The following CFAP46 variants were observed in gnomAD, a reference collection of about 807,000 sequenced individuals.
The protein encoded by CFAP46 is cilia- and flagella-associated protein 46.
Under a neutral mutation model 325.7 loss-of-function variants are expected in CFAP46, and 245 were observed. That is an observed-to-expected ratio of 0.75 (90% CI 0.68 to 0.84). The LOEUF is 0.84. Ranked by LOEUF, CFAP46 falls within the 40% of genes least tolerant of loss-of-function variation. CFAP46 has a pLI of 0.00. For missense variants in CFAP46, 3,346 were observed against 3,543.0 expected (o/e 0.94, Z 1.41); for synonymous variants, 1,523 against 1,495.9 (o/e 1.02, Z -0.42).
chr10:132,857,489 G>A, intron 39 of CFAP46, 101 bp downstream of exon 39: 1 of 1,178,982 alleles, frequency 8.5e-7, no homozygotes. Context: ...TTCCATTTCA[G>A]CTAGAAGCAG....
chr10:132,912,593 C>G, intron 19 of CFAP46, 62 bp downstream of exon 19: 1 of 1,442,512 alleles, frequency 6.9e-7, no homozygotes, highest in Non-Finnish European at 9.2e-7. Flanking sequence ...TCCTCTCTCT[C>G]TCTCCTCTCT....
intron 38 of CFAP46, among the ~76,000 whole-genome samples, chr10:132,858,540 T>G (rs1848680222): frequency 6.6e-6 from 1 of 151,706 alleles, no homozygotes; most frequent in East Asian, 2.0e-4. Context: ...ACGGCTGGCA[T>G]CAGGGCTGTG....
rs56159566 is a variant in CFAP46, at chr10:132,884,182, G to A, written c.3627+921C>T. 0.098 allele frequency among the ~76,000 whole-genome samples: 14,915 copies of A among 152,134 alleles called. 2,001 individuals are homozygous for A. Among genetic ancestry groups the A allele is most frequent in the African/African-American group, 0.3 (12,618 of 41,454 alleles). ...GCAGCCAGGTCCCTGCCTGATACCCGCGAACCCTAGCAGGGCAACTGCCGA... is the reference window on the plus strand; with the variant it reads ...GCAGCCAGGTCCCTGCCTGATACCCACGAACCCTAGCAGGGCAACTGCCGA... On this transcript the variant is annotated intron_variant, in intron 27 of 57. Transcript: ENST00000368586. The surrounding 1 kb of genome is among the most constrained non-coding windows in gnomAD (Gnocchi z 5.4).
In CFAP46 at chr10:132,876,016, C is replaced by A. The variant is rs1215938404; in HGVS notation, c.4362+796G>T. Among the ~76,000 whole-genome samples, 2 of 152,214 alleles carry A rather than the reference C, an allele frequency of 1.3e-5. No homozygotes were observed. The highest frequency in any genetic ancestry group is 2.4e-5 in the African/African-American group (1 of 41,452). On this transcript the variant is annotated intron_variant, in intron 31 of 57. Transcript: ENST00000368586. This position sits in a 1 kb window ranked among gnomAD's most constrained non-coding sequence, Gnocchi z 4.1. ...GAATAAAGGATTCCTTCAAACCAAT[C>A]AGGAAAAGTCAGAAAGCTTAATTAA...
chr10:132,876,912 A>C lies in CFAP46; in HGVS notation c.4262T>G (p.Ile1421Arg). 6.4e-7 allele frequency: 1 copy of C among 1,550,572 alleles called. No individual in the cohort carries two copies. Among genetic ancestry groups the C allele is most frequent in the Non-Finnish European group, 8.7e-7 (1 of 1,146,988 alleles). ...GCAGGAGTAGGAAGCCCACTCTTCTATGCTCATGGGTAAGTCTTCCAGTTG... is the reference window on the plus strand; with the variant it reads ...GCAGGAGTAGGAAGCCCACTCTTCTCTGCTCATGGGTAAGTCTTCCAGTTG... ...IKQLEDLPMS[I>R]EEWASYSCPE... The change falls in exon 31 of 58, where the codon ATA (isoleucine) becomes AGA (arginine). Residue 1421 changes from isoleucine to arginine, a missense_variant. Ile to Arg is a moderately conservative substitution (Grantham distance 97). Transcript: ENST00000368586. This position sits in a 1 kb window ranked among gnomAD's most constrained non-coding sequence, Gnocchi z 4.1.
intron 44 of CFAP46, among the ~76,000 whole-genome samples, chr10:132,840,229 G>A (rs1035815195): frequency 6.6e-6 from 1 of 152,180 alleles, no homozygotes; most frequent in Non-Finnish European, 1.5e-5. Flanking sequence ...ATTTGAGTCC[G>A]GTGTTGCCTG....
rs370798633 is a variant in CFAP46 at position 132,814,594 on chromosome 10, T to A, written c.7268A>T (p.Glu2423Val). ...DNFKFVVDPYEEAQGPEMLTP... is the reference protein window; with the variant it reads ...DNFKFVVDPYVEAQGPEMLTP... ...GCACCCACCTGGGCCCTGGGCCTCC[T>A]CGTATGGGTCCACGACGACTGGGTC... is the stretch of plus-strand genomic sequence containing the variant. Residue 2423 changes from glutamate (E) to valine (V), a missense_variant, in exon 53 of 58, where the codon GAG becomes GTG. Glu to Val is a moderately radical substitution (Grantham distance 121). Transcript: ENST00000368586. The A allele has an allele frequency of 7.6e-6, 12 of 1,570,930 alleles. No individual in the cohort carries two copies. In the African/African-American group the frequency reaches 1.6e-4, roughly 21 times the overall value.
rs768644477 is a variant in CFAP46, at chr10:132,889,657, C to T, written c.3304+2676G>A. Among the ~76,000 whole-genome samples the T allele has an allele frequency of 1.3e-5, 2 of 152,196 alleles. No individual in the cohort carries two copies. The highest frequency in any genetic ancestry group is 2.9e-5 in the Non-Finnish European group (2 of 68,024). Reference sequence around the variant, plus strand: ...CCATGTCCTGGGACCACCCAGTACACATCCAATTCACGGGCGGAGGCACTG... The same window carrying T: ...CCATGTCCTGGGACCACCCAGTACATATCCAATTCACGGGCGGAGGCACTG... On this transcript the variant is annotated intron_variant, in intron 25 of 57. Transcript: ENST00000368586. The surrounding 1 kb of genome is among the most constrained non-coding windows in gnomAD (Gnocchi z 6.0).
At position 132,876,049 on chromosome 10, in the gene CFAP46, C is replaced by T. The variant is rs78016068; in HGVS notation, c.4362+763G>A. ...GTCAGAAAGCTTAATTAAATATGGG[C>T]GACAGCCTGGAGGGCACATCACAAA... On this transcript the variant is annotated intron_variant, in intron 31 of 57. Transcript: ENST00000368586. This position sits in a 1 kb window ranked among gnomAD's most constrained non-coding sequence, Gnocchi z 4.1. Among the ~76,000 whole-genome samples the T allele has an allele frequency of 0.013, 1,911 of 152,312 alleles. 20 individuals carry two copies. Among genetic ancestry groups the T allele is most frequent in the Non-Finnish European group, 0.021 (1,446 of 68,030 alleles).
rs56965336 is a variant in CFAP46, at chr10:132,831,220, CTGTG to C, written c.7117+2134_7117+2137del. On this transcript the variant is annotated intron_variant, in intron 50 of 57. Transcript: ENST00000368586. ...CTTAGGGTATATCTTGTCAAATGTT[CTGTG>C]TGTGTGTGTGTGTGTGTGTGTGTAA... 7.4e-4 allele frequency among the ~76,000 whole-genome samples: 109 copies of C among 148,198 alleles called. 1 individual carries two copies. Among genetic ancestry groups the C allele is most frequent in the African/African-American group, 2.4e-3 (95 of 39,596 alleles).
chr10:132,899,076 C>T lies in CFAP46; in HGVS notation c.3102G>A (p.Ala1034=), dbSNP rs541156207. The T allele has an allele frequency of 1.4e-5, 21 of 1,550,448 alleles. No individual in the cohort carries two copies. The highest frequency in any genetic ancestry group is 6.8e-5 in the African/African-American group (5 of 73,148). The change falls in exon 24 of 58, where the codon GCG becomes GCA. Residue 1034 remains alanine (A), a synonymous_variant. Coordinates refer to ENST00000368586, the MANE Select transcript of CFAP46 (RefSeq NM_001200049.3). ...AGSSALVMLA[A]RHYWNAWLPL... is the part of the protein sequence containing the mutation. Reference sequence around the variant, plus strand: ...GGAGCCAGGCGTTCCAGTAATGCCGCGCGGCCAGCATCACCAGGGCGCTGC... The same window carrying T: ...GGAGCCAGGCGTTCCAGTAATGCCGTGCGGCCAGCATCACCAGGGCGCTGC...
chr10:132,887,585 CTCTCCTCTCCCTTCT>C (rs1849171298), intron 25 of CFAP46, among the ~76,000 whole-genome samples: 1 of 24,780 alleles, frequency 4.0e-5, no homozygotes, highest in Non-Finnish European at 8.1e-5. Flanking sequence ...CTCCCCTCTT[CTCTCCTCTCCCTTCT>C]TCTCTCCTCT....
Position 132,879,573 on chromosome 10 carries a change from C to T in CFAP46, c.3858G>A (p.Ala1286=), listed in dbSNP as rs1489442818. ...CGCTACGCAGCTGCTCCAAGGACAC[C>T]GCCTCCTCGGCCTCGGACACGGGGC... is the stretch of plus-strand genomic sequence containing the variant. ...PRSPVSEAEE[A]VSLEQLRSVR... Residue 1286 remains alanine, a synonymous_variant, in exon 29 of 58, where the codon GCG becomes GCA. Transcript: ENST00000368586. 1.2e-5 allele frequency: 18 copies of T among 1,546,808 alleles called. 1 individual carries two copies. The highest frequency in any genetic ancestry group is 4.9e-5 in the East Asian group (2 of 40,848).
chr10:132,936,883 C>T (rs1850016236), intron 7 of CFAP46, 78 bp downstream of exon 7: 3 of 805,974 alleles, frequency 3.7e-6, no homozygotes, highest in South Asian at 3.3e-5. Context: ...AGGACCTCCC[C>T]CCATGGAGGG....
At chr10:132,916,499 C>A in intron 17 of CFAP46, 50 bp downstream of exon 17, 1 of 1,519,948 alleles carries the variant, frequency 6.6e-7, no homozygotes, top group South Asian at 1.2e-5. Flanking sequence ...AGGGGACACT[C>A]TGACCCACGG....
chr10:132,924,947 G>A (rs769044311), intron 10 of CFAP46, 61 bp from the exon 11 acceptor site: 42 of 1,329,028 alleles, frequency 3.2e-5, no homozygotes, highest in Non-Finnish European at 3.7e-5. Context: ...GGGCTGGGGC[G>A]GCACCTGCGT....
At chr10:132,931,050 A>G (rs1329383138) in intron 8 of CFAP46, among the ~76,000 whole-genome samples, 14 of 79,064 alleles carry the variant, frequency 1.8e-4, no homozygotes, top group East Asian at 4.4e-4. Flanking sequence ...CACTCCCCAC[A>G]CAGAGCCTGG....
intron 44 of CFAP46, among the ~76,000 whole-genome samples, chr10:132,841,472 C>T (rs1420106303): frequency 6.6e-6 from 1 of 152,204 alleles, no homozygotes; most frequent in Non-Finnish European, 1.5e-5. Context: ...GGTGGGAGTC[C>T]AGTGCCTGAA....
intron 35 of CFAP46, among the ~76,000 whole-genome samples, chr10:132,863,791 C>T (rs1848758920): frequency 6.8e-6 from 1 of 146,802 alleles, no homozygotes; most frequent in Non-Finnish European, 1.5e-5. Flanking sequence ...CACACCTGTC[C>T]CCCTGCCTGA....
Sources: allele counts gnomAD v4.1 joint callset (sites outside exome capture counted in the v4.1 genomes callset), GRCh38; gene constraint gnomAD v4.1.1; non-coding constraint Gnocchi (gnomAD v3.1); transcripts MANE v1.5; gene names NCBI Gene and HGNC (gene_info 2026-07-23, HGNC 2026-07-21).